The following XIRP2 variants were observed in gnomAD, a reference collection of about 807,000 sequenced individuals.
The protein encoded by XIRP2 is xin actin binding repeat containing 2.
Under a neutral mutation model 277.0 loss-of-function variants are expected in XIRP2, and 236 were observed. That is an observed-to-expected ratio of 0.85 (90% CI 0.77 to 0.95). The LOEUF (loss-of-function observed/expected upper bound fraction) is 0.95. Among genes scored for constraint, XIRP2 ranks in the 40% least tolerant of loss-of-function variants. The pLI, the probability that XIRP2 is intolerant of heterozygous loss-of-function variation, is 0.00. For synonymous variants in XIRP2, 1,490 were observed against 1,416.5 expected, an observed-to-expected ratio of 1.05 and a Z score of -1.17; for missense variants, 4,640 against 4,157.5, an observed-to-expected ratio of 1.12 and a Z score of -3.19.
intron 2 of XIRP2, among the ~76,000 whole-genome samples, chr2:166,916,312 G>A (rs1019556671): frequency 6.6e-6 from 1 of 152,144 alleles, no homozygotes; most frequent in South Asian, 2.1e-4. Context: ...TCTAATCTCA[G>A]AGCAGCAAGC....
intron 2 of XIRP2, among the ~76,000 whole-genome samples, chr2:166,983,914 T>C (rs1024595764): frequency 1.3e-5 from 2 of 152,342 alleles, no homozygotes; most frequent in East Asian, 3.9e-4. Context: ...GAAGTCCCTA[T>C]TGGTTATCTT....
chr2:167,078,280 AT>A (rs371538994), intron 2 of XIRP2, among the ~76,000 whole-genome samples: 255 of 151,962 alleles, frequency 1.7e-3, no homozygotes, highest in African/African-American at 5.8e-3. Context: ...CTCAGCTTGA[AT>A]TTTTTTTGGT....
intron 2 of XIRP2, among the ~76,000 whole-genome samples, chr2:166,932,313 C>T (rs1685364807): frequency 6.6e-6 from 1 of 151,612 alleles, no homozygotes; most frequent in African/African-American, 2.4e-5. Context: ...ACTTCCAGGG[C>T]TCAAGCAGTC....
At chr2:167,055,236 T>C (rs916887740) in intron 2 of XIRP2, among the ~76,000 whole-genome samples, 1 of 152,180 alleles carries the variant, frequency 6.6e-6, no homozygotes. Flanking sequence ...TCTGTGTCCA[T>C]GCTCAAATGA....
chr2:167,176,012 G>A (rs1196144143), intron 3 of XIRP2, among the ~76,000 whole-genome samples: 1 of 152,164 alleles, frequency 6.6e-6, no homozygotes, highest in Non-Finnish European at 1.5e-5. Context: ...GTGCTGTGCT[G>A]GCAGCGAGAA....
In XIRP2 at chr2:167,044,626, A is replaced by C. The variant is rs1574199675; in HGVS notation, c.409-91283A>C. Among the ~76,000 whole-genome samples the C allele has an allele frequency of 2.6e-5, 4 of 152,260 alleles. No individual in the cohort carries two copies. In the South Asian group the frequency reaches 8.3e-4, roughly 32 times the overall value. On this transcript the variant is annotated intron_variant, in intron 2 of 10. Transcript: ENST00000409195. The stretch of plus-strand genomic sequence containing the variant: ...ATTAGTAGCATTTCTGTGCACCACT[A>C]ATCTCCAAGCTGAGAGCTATATCAA...
At chr2:166,958,518 G>A (rs1406205581) in intron 2 of XIRP2, among the ~76,000 whole-genome samples, 4 of 151,562 alleles carry the variant, frequency 2.6e-5, no homozygotes, top group Non-Finnish European at 5.9e-5. Flanking sequence ...TCCAATCTTG[G>A]TCTTGGCACT....
chr2:166,972,524 A>T (rs1214147276), intron 2 of XIRP2, among the ~76,000 whole-genome samples: 1 of 152,162 alleles, frequency 6.6e-6, no homozygotes, highest in Non-Finnish European at 1.5e-5. Context: ...AGGAAGAGGA[A>T]AAATGGACCC....
At chr2:167,053,003 G>C (rs2076548740) in intron 2 of XIRP2, among the ~76,000 whole-genome samples, 2 of 152,086 alleles carry the variant, frequency 1.3e-5, no homozygotes, top group Admixed American at 1.3e-4. Flanking sequence ...ATTCTATGTG[G>C]AACACCCAGT....
intron 2 of XIRP2, among the ~76,000 whole-genome samples, chr2:166,915,064 G>A (rs576144867): frequency 3.3e-5 from 5 of 151,942 alleles, no homozygotes; most frequent in Admixed American, 2.0e-4. Context: ...TTGGGAGGCC[G>A]AGGCAGGTGG....
At chr2:167,003,809 A>G (rs1469107190) in intron 2 of XIRP2, among the ~76,000 whole-genome samples, 1 of 151,942 alleles carries the variant, frequency 6.6e-6, no homozygotes. Flanking sequence ...TGCAAATGAA[A>G]ATGAAAATAC....
At chr2:166,917,993 C>T (rs1318813574) in intron 2 of XIRP2, among the ~76,000 whole-genome samples, 1 of 152,080 alleles carries the variant, frequency 6.6e-6, no homozygotes, top group Non-Finnish European at 1.5e-5. Flanking sequence ...GTAGAAGATG[C>T]CTTCCTACAT....
chr2:166,978,620 G>C (rs557872980), intron 2 of XIRP2, among the ~76,000 whole-genome samples: 22 of 151,920 alleles, frequency 1.4e-4, no homozygotes, highest in Admixed American at 5.9e-4. Context: ...TTATTCTTTT[G>C]GGATATTTTT....
At chr2:167,034,655 T>C (rs1367902164) in intron 2 of XIRP2, among the ~76,000 whole-genome samples, 1 of 152,062 alleles carries the variant, frequency 6.6e-6, no homozygotes, top group Non-Finnish European at 1.5e-5. Flanking sequence ...TTATACAAAA[T>C]AGATTTCAAG....
intron 5 of XIRP2, among the ~76,000 whole-genome samples, chr2:167,234,264 A>G (rs1694838392): frequency 6.6e-6 from 1 of 151,618 alleles, no homozygotes; most frequent in South Asian, 2.1e-4. Context: ...AAGAGTTAAA[A>G]TTAATGGAAT....
At chr2:167,197,183 C>CAAGA (rs1693545489) in intron 3 of XIRP2, among the ~76,000 whole-genome samples, 2 of 152,130 alleles carry the variant, frequency 1.3e-5, no homozygotes, top group African/African-American at 4.8e-5. Context: ...GGTTTACATG[C>CAAGA]AAGACATTTA....
At chr2:166,922,135 T>C (rs1409705731) in intron 2 of XIRP2, among the ~76,000 whole-genome samples, 2 of 152,278 alleles carry the variant, frequency 1.3e-5, no homozygotes, top group African/African-American at 4.8e-5. Context: ...TCTTCTTGAT[T>C]CCAGTTTCCT....
At chr2:167,213,233 A>G (rs988700016) in intron 4 of XIRP2, among the ~76,000 whole-genome samples, 1 of 152,184 alleles carries the variant, frequency 6.6e-6, no homozygotes, top group Non-Finnish European at 1.5e-5. Context: ...TTCATTTTCA[A>G]GTCTGTGCAA....
intron 3 of XIRP2, among the ~76,000 whole-genome samples, chr2:167,159,601 C>G (rs984900925): frequency 1.3e-5 from 2 of 151,938 alleles, no homozygotes; most frequent in African/African-American, 2.4e-5. Flanking sequence ...GTTTGGGTCC[C>G]TTTTCTGACC....
Sources: gnomAD v4.1 joint callset for allele counts (sites outside exome capture counted in the v4.1 genomes callset) on GRCh38, gnomAD v4.1.1 for gene constraint, MANE v1.5 for transcripts, NCBI Gene and HGNC (gene_info 2026-07-23, HGNC 2026-07-21) for gene names.